The following RUNX3 variants were observed in gnomAD, a reference collection of about 807,000 sequenced individuals.
The protein encoded by RUNX3 is RUNX family transcription factor 3.
A neutral mutation model predicts 27.7 loss-of-function variants in RUNX3; 10 were observed. The observed-to-expected ratio is 0.36, with a 90% CI of 0.22 to 0.61. RUNX3 has a LOEUF of 0.61. RUNX3 is among the 20% of genes least tolerant of loss of function. The probability of loss-of-function intolerance (pLI) is 0.72; values close to 1 mark genes in which losing one functional copy is unlikely to be tolerated. For synonymous variants in RUNX3, 270 were observed against 269.2 expected, an observed-to-expected ratio of 1.00 and a Z score of -0.03; for missense variants, 469 against 629.5, an observed-to-expected ratio of 0.75 and a Z score of 2.73.
chr1:24,959,226 G>A (rs943167315), intron 2 of RUNX3, among the ~76,000 whole-genome samples: 1 of 152,234 alleles, frequency 6.6e-6, no homozygotes, highest in African/African-American at 2.4e-5. Flanking sequence ...GCTGCTGGGG[G>A]CCTCCAGCCC....
chr1:24,958,864 C>G (rs527625606), intron 2 of RUNX3, among the ~76,000 whole-genome samples: 2 of 152,302 alleles, frequency 1.3e-5, no homozygotes, highest in East Asian at 3.9e-4. Context: ...GGGTGAGATT[C>G]CCCAACTACG....
At position 24,916,530 on chromosome 1, in the gene RUNX3, G is replaced by C. The variant is rs1640892706; in HGVS notation, c.544+2710C>G. On this transcript the variant is annotated intron_variant, in intron 3 of 4. Coordinates refer to ENST00000308873, the MANE Select transcript of RUNX3 (RefSeq NM_004350.3). The surrounding 1 kb of genome is among the most constrained non-coding windows in gnomAD (Gnocchi z 4.8). ...TGCACAGGGCCTGACGCAAGGGAGG[G>C]GGTTGCTCAGTGACCAGGAGCCGCT... is the stretch of plus-strand genomic sequence containing the variant. 6.6e-6 allele frequency among the ~76,000 whole-genome samples: 1 copy of C among 152,172 alleles called. No homozygotes were observed. Among genetic ancestry groups the C allele is most frequent in the Admixed American group, 6.5e-5 (1 of 15,282 alleles).
In RUNX3 at chr1:24,927,291, C is replaced by T. The variant is rs1162347821; in HGVS notation, c.439+283G>A. Among the ~76,000 whole-genome samples, 2 of 152,096 alleles carry T rather than the reference C, an allele frequency of 1.3e-5. No individual in the cohort carries two copies. Among genetic ancestry groups the T allele is most frequent in the African/African-American group, 4.8e-5 (2 of 41,388 alleles). Reference sequence around the variant, plus strand: ...TCTCCTGCCAGCATTTTTTGTGAGACCAGGTGTGCTTAACCGGGAAAGAGG... The same window carrying T: ...TCTCCTGCCAGCATTTTTTGTGAGATCAGGTGTGCTTAACCGGGAAAGAGG... On this transcript the variant is annotated intron_variant, in intron 2 of 4. Coordinates refer to ENST00000308873, the MANE Select transcript of RUNX3 (RefSeq NM_004350.3). The surrounding 1 kb of genome is among the most constrained non-coding windows in gnomAD (Gnocchi z 5.0).
At chr1:24,917,408 G>A (rs1314742574) in intron 3 of RUNX3, among the ~76,000 whole-genome samples, 1 of 152,214 alleles carries the variant, frequency 6.6e-6, no homozygotes. Context: ...CAGGAAGGGG[G>A]CTGGGTACTG....
intron 2 of RUNX3, among the ~76,000 whole-genome samples, chr1:24,924,353 C>T (rs936660586): frequency 9.2e-5 from 14 of 151,758 alleles, no homozygotes; most frequent in Non-Finnish European, 1.2e-4. Context: ...AGAGCGAGAC[C>T]TTGTCCCAAA....
At chr1:24,950,880 GT>G (rs574076709) in intron 2 of RUNX3, among the ~76,000 whole-genome samples, 2 of 152,260 alleles carry the variant, frequency 1.3e-5, no homozygotes, top group South Asian at 4.1e-4. Flanking sequence ...GAACCCAGAG[GT>G]CCCTGCCAAA....
chr1:24,902,599 G>C lies in RUNX3; in HGVS notation c.771C>G (p.Thr257=). ...QFDRSFPTLP[T]LTESRFPDPR... The stretch of plus-strand genomic sequence containing the variant: ...GGTCTGGGAAGCGGCTCTCCGTGAG[G>C]GTTGGCAGCGTGGGGAAGGAGCGGT... Residue 257 remains threonine, a synonymous_variant, in exon 5 of 5, where the codon ACC becomes ACG. Coordinates refer to ENST00000308873, the MANE Select transcript of RUNX3 (RefSeq NM_004350.3). This position sits in a 1 kb window ranked among gnomAD's most constrained non-coding sequence, Gnocchi z 9.2. 6.5e-7 allele frequency: 1 copy of C among 1,546,990 alleles called. No individual in the cohort carries two copies. The highest frequency in any genetic ancestry group is 8.8e-7 in the Non-Finnish European group (1 of 1,142,680).
At position 24,901,833 on chromosome 1, in the gene RUNX3, CG is replaced by C. The variant is rs199797589; in HGVS notation, c.*288del. 1,180 of 433,608 alleles carry C rather than the reference CG, an allele frequency of 2.7e-3. 19 individuals carry two copies. Among genetic ancestry groups the C allele is most frequent in the African/African-American group, 0.022 (1,076 of 48,830 alleles). The allele number at this position is 433,608 out of a possible 1,614,324, so 26.9% of individuals were successfully genotyped here. ...ATAGCTGGAGACAGTGAGGTCCTTC[CG>C]GGGGGGTGGCAGGAGGCTGATTCCC... On this transcript the variant is annotated 3_prime_UTR_variant, in exon 5 of 5. Coordinates refer to ENST00000308873, the MANE Select transcript of RUNX3 (RefSeq NM_004350.3).
intron 2 of RUNX3, among the ~76,000 whole-genome samples, chr1:24,954,445 A>C (rs1641860442): frequency 1.3e-5 from 2 of 152,356 alleles, no homozygotes; most frequent in African/African-American, 4.8e-5. Flanking sequence ...GGAAGGAAGG[A>C]AAGGCAGACA....
chr1:24,901,143 C>T lies in RUNX3; in HGVS notation c.*979G>A. On this transcript the variant is annotated 3_prime_UTR_variant, in exon 5 of 5. Transcript: ENST00000308873. ...GATTTGGCTGGATCCTCCCAGGAGG[C>T]TTGGGGGATGGGGCACAGCTTGGCT... 6.8e-6 allele frequency: 1 copy of T among 146,410 alleles called. No homozygotes were observed. Among genetic ancestry groups the T allele is most frequent in the East Asian group, 2.0e-4 (1 of 5,084 alleles). The allele number at this position is 146,410 out of a possible 1,614,324, so 9.1% of individuals were successfully genotyped here.
At chr1:24,931,297 C>G (rs1455225411), upstream of RUNX3, among the ~76,000 whole-genome samples, 2 of 152,226 alleles carry the variant, frequency 1.3e-5, no homozygotes, top group Non-Finnish European at 2.9e-5. Context: ...GGACCGCGGA[C>G]AGCTTCGCCA....
intron 2 of RUNX3, among the ~76,000 whole-genome samples, chr1:24,938,780 G>A (rs895671443): frequency 1.3e-5 from 2 of 152,182 alleles, no homozygotes; most frequent in African/African-American, 4.8e-5. Flanking sequence ...ACAATGTTCT[G>A]TGTCCTCCGG....
intron 2 of RUNX3, among the ~76,000 whole-genome samples, chr1:24,937,884 G>A (rs1246486099): frequency 2.6e-5 from 4 of 152,184 alleles, no homozygotes; most frequent in African/African-American, 4.8e-5. Flanking sequence ...ACTGCCTTGA[G>A]TCTGGTCTGG....
rs1373281025 is a variant in RUNX3 at position 24,929,961 on chromosome 1, G to A, written c.-93C>T. On this transcript the variant is annotated 5_prime_UTR_variant, in exon 1 of 5. Transcript: ENST00000308873. ...GCGCCTCCTCGGCCGCCGCTGCCGC[G>A]AGAAGCGGGAAAGCAGAAGCGGCGG... The A allele has an allele frequency of 8.3e-7, 1 of 1,200,114 alleles. No homozygotes were observed. Among genetic ancestry groups the A allele is most frequent in the African/African-American group, 1.6e-5 (1 of 62,586 alleles). 74.3% of individuals were successfully genotyped at this position (1,200,114 alleles called of 1,614,324 possible).
chr1:24,934,181 A>G (rs1465654033), upstream of RUNX3, among the ~76,000 whole-genome samples: 2 of 152,198 alleles, frequency 1.3e-5, no homozygotes, highest in Non-Finnish European at 2.9e-5. Flanking sequence ...ATTTCAGATA[A>G]TGATCTCTGA....
chr1:24,909,673 G>C (rs1172316799), intron 3 of RUNX3, among the ~76,000 whole-genome samples: 1 of 152,182 alleles, frequency 6.6e-6, no homozygotes, highest in Non-Finnish European at 1.5e-5. Flanking sequence ...TCCTTCTCAA[G>C]CTTCCCCTTT....
chr1:24,907,836 C>T (rs1640700131), intron 3 of RUNX3, among the ~76,000 whole-genome samples: 1 of 151,758 alleles, frequency 6.6e-6, no homozygotes, highest in Admixed American at 6.6e-5. Context: ...ACCTCTACAA[C>T]ACACGGTGAT....
At chr1:24,960,200 G>T (rs891717634) in intron 2 of RUNX3, among the ~76,000 whole-genome samples, 5 of 152,212 alleles carry the variant, frequency 3.3e-5, no homozygotes, top group African/African-American at 1.2e-4. Context: ...TCCTGACCCA[G>T]TTTCCCCCGG....
At chr1:24,958,935 C>T (rs1231191280) in intron 2 of RUNX3, among the ~76,000 whole-genome samples, 1 of 152,202 alleles carries the variant, frequency 6.6e-6, no homozygotes, top group Non-Finnish European at 1.5e-5. Context: ...AAGGCATCCC[C>T]AGGAGATGGC....
Sources: allele counts gnomAD v4.1 joint callset (sites outside exome capture counted in the v4.1 genomes callset), GRCh38; gene constraint gnomAD v4.1.1; non-coding constraint Gnocchi (gnomAD v3.1); transcripts MANE v1.5; gene names NCBI Gene and HGNC (gene_info 2026-07-23, HGNC 2026-07-21).